Variants in VPS54 observed in about 807,000 individuals in gnomAD.
VPS54 encodes the protein VPS54 subunit of GARP complex.
VPS54 carries 45 observed loss-of-function variants against 121.5 expected under a neutral mutation model. The observed-to-expected ratio is 0.37, with a 90% CI of 0.29 to 0.47. The LOEUF (loss-of-function observed/expected upper bound fraction) is 0.47. VPS54 is among the 20% of genes least tolerant of loss of function. The probability of loss-of-function intolerance (pLI) is 0.99; values close to 1 mark genes in which losing one functional copy is unlikely to be tolerated. For missense variants in VPS54, 1,090 were observed against 1,131.4 expected (o/e 0.96, Z 0.52); for synonymous variants, 371 against 385.8 (o/e 0.96, Z 0.45).
chr2:63,927,005 G>A (rs1411748718), intron 12 of VPS54, among the ~76,000 whole-genome samples: 1 of 152,186 alleles, frequency 6.6e-6, no homozygotes, highest in Non-Finnish European at 1.5e-5. Flanking sequence ...CAGCAGGGAA[G>A]CTCAAACTGG....
chr2:63,985,007 A>G (rs896515192), intron 1 of VPS54, among the ~76,000 whole-genome samples: 3 of 152,222 alleles, frequency 2.0e-5, no homozygotes, highest in Admixed American at 6.5e-5. Flanking sequence ...TCTGGCAAAA[A>G]GATAAATAAG....
chr2:63,987,512 C>T (rs974900730), intron 1 of VPS54, among the ~76,000 whole-genome samples: 1 of 152,008 alleles, frequency 6.6e-6, no homozygotes, highest in African/African-American at 2.4e-5. Context: ...TATTCCAAGT[C>T]TTTTGTGGTT....
intron 5 of VPS54, among the ~76,000 whole-genome samples, chr2:63,968,236 G>C (rs1463968208): frequency 6.6e-6 from 1 of 151,920 alleles, no homozygotes; most frequent in Admixed American, 6.6e-5. Context: ...TTCATACAAA[G>C]TAAGTATCTC....
At chr2:63,917,098 T>A in intron 15 of VPS54, 135 bp from the exon 16 acceptor site, 1 of 830,916 alleles carries the variant, frequency 1.2e-6, no homozygotes, top group Non-Finnish European at 1.9e-6. Context: ...CCTGGGAAAC[T>A]ATTTGGCACA....
rs1269172963 is a variant in VPS54 at position 63,892,542 on chromosome 2, T to C, written c.*888A>G. 2 of 152,622 alleles carry C rather than the reference T, an allele frequency of 1.3e-5. No individual in the cohort carries two copies. The highest frequency in any genetic ancestry group is 4.1e-4 in the South Asian group (2 of 4,832). The allele number at this position is 152,622 out of a possible 1,614,324, so 9.5% of individuals were successfully genotyped here. On this transcript the variant is annotated 3_prime_UTR_variant, in exon 23 of 23. Transcript: ENST00000272322. ...GGATCCAAGGGGGCCATACTTCATA[T>C]GTTATCTAAATGTTAATATGAGAAC...
At chr2:63,979,272 C>G in intron 3 of VPS54, among the ~76,000 whole-genome samples, 1 of 146,394 alleles carries the variant, frequency 6.8e-6, no homozygotes, top group East Asian at 2.0e-4. Flanking sequence ...CGGAGTCTCG[C>G]TCTGTCACCC....
At chr2:63,938,059 G>GGTGTGTGTGTGT (rs1553475195) in intron 11 of VPS54, among the ~76,000 whole-genome samples, 33,045 of 140,144 alleles carry the variant, frequency 0.24, 4,623 homozygotes, top group Middle Eastern at 0.35. Flanking sequence ...TGGTGTGTGT[G>GGTGTGTGTGTGT]GTGTGTGTGT....
Position 63,960,584 on chromosome 2 carries a change from T to C in VPS54, c.1010+1474A>G, listed in dbSNP as rs568983998. 3.3e-5 allele frequency among the ~76,000 whole-genome samples: 5 copies of C among 152,330 alleles called. No homozygotes were observed. The East Asian group carries it at 9.6e-4, about 29-fold the overall frequency. On this transcript the variant is annotated intron_variant, in intron 7 of 22. Transcript: ENST00000272322. The stretch of plus-strand genomic sequence containing the variant: ...GCGGCATTCAATCTTTGATTCTATT[T>C]CTCAGCTCTGTACTATCTATGGGAT...
intron 1 of VPS54, 75 bp from the exon 2 acceptor site, chr2:63,984,094 T>A (rs1007285274): frequency 1.4e-5 from 18 of 1,321,650 alleles, no homozygotes; most frequent in Non-Finnish European, 1.7e-5. Context: ...ACAAATTTTC[T>A]TTCAAAAGCA....
In VPS54 at chr2:64,009,447, C is replaced by A. The variant is rs192150149; in HGVS notation, c.-21+9491G>T. Reference sequence around the variant, plus strand: ...TCTCCTGCCTCAGCCTCCTGAGTAGCTAAGACTACTGGCACCCAGCACCAC... The same window carrying A: ...TCTCCTGCCTCAGCCTCCTGAGTAGATAAGACTACTGGCACCCAGCACCAC... On this transcript the variant is annotated intron_variant, in intron 1 of 22. Transcript: ENST00000272322. Among the ~76,000 whole-genome samples the A allele has an allele frequency of 1.9e-4, 29 of 152,180 alleles. 1 individual carries two copies. Among genetic ancestry groups the A allele is most frequent in the African/African-American group, 6.5e-4 (27 of 41,514 alleles).
At chr2:63,929,738 G>GT (rs1012450897) in intron 12 of VPS54, among the ~76,000 whole-genome samples, 5 of 151,510 alleles carry the variant, frequency 3.3e-5, no homozygotes, top group African/African-American at 1.2e-4. Context: ...CCAGGAGCTG[G>GT]TTTTTTGAAA....
At chr2:63,961,726 C>G (rs1160315273) in intron 7 of VPS54, among the ~76,000 whole-genome samples, 1 of 152,064 alleles carries the variant, frequency 6.6e-6, no homozygotes, top group Non-Finnish European at 1.5e-5. Flanking sequence ...TTTAAATATG[C>G]TGGTATTCTC....
chr2:63,923,363 C>T (rs1030445081), intron 12 of VPS54, among the ~76,000 whole-genome samples: 35 of 151,936 alleles, frequency 2.3e-4, no homozygotes, highest in African/African-American at 7.7e-4. Flanking sequence ...CTAACTTTCA[C>T]GTCAATAGGG....
chr2:63,907,763 CAAG>C (rs1672967717), intron 20 of VPS54, among the ~76,000 whole-genome samples: 1 of 151,942 alleles, frequency 6.6e-6, no homozygotes, highest in South Asian at 2.1e-4. Flanking sequence ...TTTAAATGAG[CAAG>C]AAATCTGAGC....
chr2:64,005,980 T>C (rs1307159109), intron 1 of VPS54, among the ~76,000 whole-genome samples: 2 of 152,098 alleles, frequency 1.3e-5, no homozygotes, highest in Admixed American at 1.3e-4. Context: ...AAATTAAGAG[T>C]ATGAGATAGT....
chr2:63,982,900 T>C (rs1676864160), intron 2 of VPS54, among the ~76,000 whole-genome samples: 1 of 152,182 alleles, frequency 6.6e-6, no homozygotes, highest in African/African-American at 2.4e-5. Context: ...ATCTCAAATC[T>C]TTCACTGCTC....
intron 7 of VPS54, 29 bp from the exon 8 acceptor site, chr2:63,949,192 T>C: frequency 1.9e-6 from 3 of 1,585,652 alleles, no homozygotes; most frequent in Non-Finnish European, 2.6e-6. Context: ...ATGTTATATT[T>C]ATATTCACTA....
At chr2:63,978,686 C>T (rs868595333) in intron 3 of VPS54, among the ~76,000 whole-genome samples, 8 of 152,106 alleles carry the variant, frequency 5.3e-5, no homozygotes, top group Non-Finnish European at 7.4e-5. Flanking sequence ...ATGGCATGAT[C>T]TCAGCTCACT....
At position 63,983,922 on chromosome 2, in the gene VPS54, C is replaced by A. The variant is rs751756431; in HGVS notation, c.78G>T (p.Pro26=). The A allele has an allele frequency of 1.2e-6, 2 of 1,613,466 alleles. No individual in the cohort carries two copies. The highest frequency in any genetic ancestry group is 2.2e-5 in the South Asian group (2 of 90,934). Residue 26 remains proline, a synonymous_variant, in exon 2 of 23, where the codon CCG becomes CCT. Coordinates refer to ENST00000272322, the MANE Select transcript of VPS54 (RefSeq NM_016516.3). ...SDVFFKIEVD[P]SKHIRPVPSL... is the part of the protein sequence containing the mutation. The stretch of plus-strand genomic sequence containing the variant: ...ATGGCACAGGTCGAATGTGTTTTGA[C>A]GGATCTACCTCTATTTTAAAGAAAA...
Sources: gnomAD v4.1 joint callset for allele counts (sites outside exome capture counted in the v4.1 genomes callset) on GRCh38, gnomAD v4.1.1 for gene constraint, MANE v1.5 for transcripts, NCBI Gene and HGNC (gene_info 2026-07-23, HGNC 2026-07-21) for gene names.